Variants in EGFR observed in about 807,000 individuals in gnomAD.
The protein encoded by EGFR is avian erythroblastic leukemia viral (v-erb-b) oncogene homolog.
Under a neutral mutation model 143.0 loss-of-function variants are expected in EGFR, and 58 were observed. The observed-to-expected ratio is 0.41, with a 90% CI of 0.33 to 0.50. The LOEUF (loss-of-function observed/expected upper bound fraction) is 0.50. Among genes scored for constraint, EGFR ranks in the 20% least tolerant of loss-of-function variants. The pLI is 0.39. For missense variants in EGFR, 1,307 were observed against 1,579.0 expected (o/e 0.83, Z 2.92); for synonymous variants, 613 against 594.4 (o/e 1.03, Z -0.45).
intron 19 of EGFR, among the ~76,000 whole-genome samples, chr7:55,176,134 G>A (rs1338438332): frequency 6.6e-6 from 1 of 152,198 alleles, no homozygotes; most frequent in African/African-American, 2.4e-5. Context: ...TGCTGTGTAG[G>A]AAAATCTTTG....
At chr7:55,175,373 T>C (rs569285835) in intron 19 of EGFR, among the ~76,000 whole-genome samples, 1 of 152,346 alleles carries the variant, frequency 6.6e-6, no homozygotes, top group Admixed American at 6.5e-5. Flanking sequence ...TCTTCTCCAG[T>C]GTCTGTTGAT....
intron 22 of EGFR, among the ~76,000 whole-genome samples, chr7:55,196,859 T>A: frequency 6.6e-6 from 1 of 152,158 alleles, no homozygotes; most frequent in East Asian, 1.9e-4. Context: ...CTCTATTCTG[T>A]TTCATTGGTC....
chr7:55,194,607 A>T (rs1415768095), intron 22 of EGFR, among the ~76,000 whole-genome samples: 1 of 152,170 alleles, frequency 6.6e-6, no homozygotes, highest in African/African-American at 2.4e-5. Context: ...TTGCTGGGCC[A>T]TCTGGCCCTG....
At chr7:55,084,306 G>C (rs1191620416) in intron 1 of EGFR, among the ~76,000 whole-genome samples, 1 of 152,160 alleles carries the variant, frequency 6.6e-6, no homozygotes, top group Non-Finnish European at 1.5e-5. Flanking sequence ...TGAGGTCCTG[G>C]CTCCTAGAGG....
chr7:55,202,707 A>G (rs1452924394), intron 27 of EGFR, 82 bp downstream of exon 27: 1 of 1,287,618 alleles, frequency 7.8e-7, no homozygotes, highest in Admixed American at 2.0e-5. Context: ...TGTCCAAGCC[A>G]GGTGCTCCCT....
At chr7:55,187,294 C>T (rs556654059) in intron 20 of EGFR, among the ~76,000 whole-genome samples, 1 of 90,130 alleles carries the variant, frequency 1.1e-5, no homozygotes, top group Admixed American at 1.2e-4. Flanking sequence ...CGGGACTCTC[C>T]ATGGGTGCTA....
intron 1 of EGFR, among the ~76,000 whole-genome samples, chr7:55,056,874 C>T (rs188171332): frequency 6.6e-6 from 1 of 152,302 alleles, no homozygotes; most frequent in Admixed American, 6.5e-5. Context: ...AATGCTCTGC[C>T]CATGCCCTGT....
intron 1 of EGFR, among the ~76,000 whole-genome samples, chr7:55,140,119 A>T (rs890100103): frequency 4.6e-5 from 7 of 151,870 alleles, no homozygotes; most frequent in East Asian, 2.0e-4. Context: ...CAGTTTTTTT[A>T]AAATACTGTT....
chr7:55,203,613 A>C (rs1186814736), intron 27 of EGFR, among the ~76,000 whole-genome samples: 1 of 145,006 alleles, frequency 6.9e-6, no homozygotes, highest in South Asian at 2.2e-4. Flanking sequence ...ACACACATAC[A>C]AACATATACA....
Position 55,132,676 on chromosome 7 carries a change from C to T in EGFR, c.89-9610C>T, listed in dbSNP as rs887715901. Among the ~76,000 whole-genome samples, 3 of 152,154 alleles carry T rather than the reference C, an allele frequency of 2.0e-5. 1 individual carries two copies. The highest frequency in any genetic ancestry group is 4.4e-5 in the Non-Finnish European group (3 of 68,032). ...CGAGCTGACTGACTTCTCTTTCTGA[C>T]GTGTGTTCCTTTAGCACACCTCTAC... On this transcript the variant is annotated intron_variant, in intron 1 of 27. Transcript: ENST00000275493.
rs1321975678 is a variant in EGFR, at chr7:55,202,527, G to C, written c.3173G>C (p.Cys1058Ser). 3 of 1,609,124 alleles carry C rather than the reference G, an allele frequency of 1.9e-6. No homozygotes were observed. Residue 1058 changes from cysteine (C) to serine (S), a missense_variant, in exon 27 of 28, where the codon TGT (cysteine) becomes TCT (serine). By Grantham distance (112) the Cys-to-Ser change is moderately radical. Transcript: ENST00000275493. ...ACIDRNGLQSCPIKEDSFLQR... is the reference protein window; with the variant it reads ...ACIDRNGLQSSPIKEDSFLQR... ...CATTTCCTCCTGCAGCTGCAAAGCT[G>C]TCCCATCAAGGAAGACAGCTTCTTG... is the stretch of plus-strand genomic sequence containing the variant.
At chr7:55,050,862 G>T (rs1272892672) in intron 1 of EGFR, among the ~76,000 whole-genome samples, 1 of 152,104 alleles carries the variant, frequency 6.6e-6, no homozygotes, top group Non-Finnish European at 1.5e-5. Context: ...CCTGGTGTCT[G>T]CATAGTCTGC....
At chr7:55,062,527 T>C (rs12538116) in intron 1 of EGFR, among the ~76,000 whole-genome samples, 4,843 of 152,306 alleles carry the variant, frequency 0.032, 182 homozygotes, top group South Asian at 0.12. Flanking sequence ...GTTTTCTCTT[T>C]CATTGCTGCT....
At chr7:55,036,091 C>G (rs534877254) in intron 1 of EGFR, among the ~76,000 whole-genome samples, 2 of 151,546 alleles carry the variant, frequency 1.3e-5, no homozygotes, top group Non-Finnish European at 2.9e-5. Context: ...GGTTTGGAGG[C>G]CATGGAGGCA....
chr7:55,026,060 A>T (rs540908736), intron 1 of EGFR, among the ~76,000 whole-genome samples: 4 of 152,004 alleles, frequency 2.6e-5, no homozygotes, highest in Non-Finnish European at 5.9e-5. Context: ...GGGGCTTTTG[A>T]AAAAGAGGGT....
Position 55,023,152 on chromosome 7 carries a change from G to A in EGFR, c.88+3787G>A, listed in dbSNP as rs148329671. ...ATTTCGCCTGTTGCAGAACCCACCTGCAACACAGTGTGGCCCTTGCCATGT... is the reference window on the plus strand; with the variant it reads ...ATTTCGCCTGTTGCAGAACCCACCTACAACACAGTGTGGCCCTTGCCATGT... On this transcript the variant is annotated intron_variant, in intron 1 of 27. Coordinates refer to ENST00000275493, the MANE Select transcript of EGFR (RefSeq NM_005228.5). Among the ~76,000 whole-genome samples the A allele has an allele frequency of 4.2e-3, 633 of 152,296 alleles. 3 individuals carry two copies. Among genetic ancestry groups the A allele is most frequent in the African/African-American group, 0.014 (587 of 41,546 alleles).
At chr7:55,060,216 G>C (rs1789087389) in intron 1 of EGFR, among the ~76,000 whole-genome samples, 1 of 152,206 alleles carries the variant, frequency 6.6e-6, no homozygotes, top group African/African-American at 2.4e-5. Context: ...TGTCATGTGA[G>C]ATTATATGGT....
chr7:55,152,399 TG>T, intron 5 of EGFR, 146 bp from the exon 6 acceptor site: 1 of 805,346 alleles, frequency 1.2e-6, no homozygotes, highest in Non-Finnish European at 2.2e-6. Flanking sequence ...GAAAAGGGCA[TG>T]GTTTGACTTA....
intron 1 of EGFR, among the ~76,000 whole-genome samples, chr7:55,025,314 C>G (rs1786816862): frequency 6.6e-6 from 1 of 152,128 alleles, no homozygotes; most frequent in Non-Finnish European, 1.5e-5. Context: ...AGATTCAGGA[C>G]AGGGGACTCC....
Sources: allele counts gnomAD v4.1 joint callset (sites outside exome capture counted in the v4.1 genomes callset), GRCh38; gene constraint gnomAD v4.1.1; transcripts MANE v1.5; gene names NCBI Gene and HGNC (gene_info 2026-07-23, HGNC 2026-07-21).